The following CEP192 variants were observed in gnomAD, a reference collection of about 807,000 sequenced individuals.
The protein encoded by CEP192 is centrosomal protein of 192 kDa.
CEP192 carries 151 observed loss-of-function variants against 271.8 expected under a neutral mutation model. The observed-to-expected ratio is 0.56, with a 90% CI of 0.49 to 0.64. The LOEUF is 0.64. Ranked by LOEUF, CEP192 falls within the 30% of genes least tolerant of loss-of-function variation. The pLI is 0.00. For missense variants in CEP192, 2,910 were observed against 3,020.5 expected, an observed-to-expected ratio of 0.96 and a Z score of 0.86; for synonymous variants, 995 against 1,076.5, an observed-to-expected ratio of 0.92 and a Z score of 1.48.
chr18:13,008,500 C>T lies in CEP192; in HGVS notation c.335C>T (p.Ser112Leu). ...KKSYVESQRL[S>L]NALSKQSALQ... The stretch of plus-strand genomic sequence containing the variant: ...AGCTATGTGGAAAGTCAACGTTTGT[C>T]AAATGCTCTCAGCAAACAGTCAGCT... Residue 112 changes from serine to leucine, a missense_variant, in exon 4 of 45, where the codon TCA (serine) becomes TTA (leucine). Physicochemically the swap from Ser to Leu is moderately radical, Grantham distance 145. Transcript: ENST00000506447. 1 of 1,551,134 alleles carries T rather than the reference C, an allele frequency of 6.4e-7. No individual in the cohort carries two copies. Among genetic ancestry groups the T allele is most frequent in the South Asian group, 1.2e-5 (1 of 83,952 alleles).
intron 44 of CEP192, among the ~76,000 whole-genome samples, chr18:13,122,310 T>C (rs573042446): frequency 6.6e-6 from 1 of 152,202 alleles, no homozygotes. Context: ...TAATCCTAGC[T>C]ACTCAGGAGG....
chr18:13,087,441 G>T (rs1598563483), intron 31 of CEP192, 90 bp from the exon 32 acceptor site: 1 of 915,676 alleles, frequency 1.1e-6, no homozygotes, highest in Admixed American at 2.9e-5. Context: ...TGTCTGTGTC[G>T]AATTTTTAGG....
chr18:13,047,062 G>C (rs552790970), intron 15 of CEP192, among the ~76,000 whole-genome samples: 21 of 152,206 alleles, frequency 1.4e-4, no homozygotes, highest in Admixed American at 1.0e-3. Flanking sequence ...CTGTGATGTG[G>C]TTGGGTAGCT....
intron 37 of CEP192, among the ~76,000 whole-genome samples, 194 bp from the exon 38 acceptor site, chr18:13,100,110 TA>T (rs912376695): frequency 1.3e-5 from 2 of 152,218 alleles, no homozygotes; most frequent in African/African-American, 4.8e-5. Context: ...AAATTTGCTT[TA>T]AAAACAAAGG....
At chr18:13,023,829 C>G (rs976609526) in intron 9 of CEP192, among the ~76,000 whole-genome samples, 1 of 152,176 alleles carries the variant, frequency 6.6e-6, no homozygotes, top group Non-Finnish European at 1.5e-5. Context: ...GTGGAATTCA[C>G]TGTTGAACCT....
intron 15 of CEP192, among the ~76,000 whole-genome samples, chr18:13,044,422 T>C (rs1414808604): frequency 6.6e-6 from 1 of 151,984 alleles, no homozygotes; most frequent in Non-Finnish European, 1.5e-5. Context: ...GTGTAAGGTT[T>C]TTGTTTTGTT....
intron 33 of CEP192, among the ~76,000 whole-genome samples, chr18:13,090,763 GC>G (rs548363582): frequency 7.0e-4 from 107 of 152,268 alleles, no homozygotes; most frequent in Non-Finnish European, 1.2e-3. Flanking sequence ...TCCCACTACA[GC>G]CCCACCTCTT....
intron 40 of CEP192, among the ~76,000 whole-genome samples, chr18:13,111,859 C>A (rs2040225021): frequency 1.3e-5 from 2 of 152,152 alleles, no homozygotes; most frequent in South Asian, 4.1e-4. Context: ...GGTCAATAAA[C>A]ATGTGAGAAG....
rs150003930 is a variant in CEP192, at chr18:13,013,231, C to G, written c.519+206C>G. ...TAGTGCTGGTGCCTGGGACTGTATT[C>G]TTGGGCTTGGTGATGTCAGAGCTGA... On this transcript the variant is annotated intron_variant, in intron 5 of 44. Transcript: ENST00000506447. Among the ~76,000 whole-genome samples, 14 of 152,154 alleles carry G rather than the reference C, an allele frequency of 9.2e-5. No individual in the cohort carries two copies. In the East Asian group the frequency reaches 2.7e-3, roughly 29 times the overall value.
chr18:13,096,146 T>G, intron 35 of CEP192, 38 bp from the exon 36 acceptor site: 1 of 1,606,066 alleles, frequency 6.2e-7, no homozygotes, highest in Non-Finnish European at 8.5e-7. Flanking sequence ...TTCACTGTTG[T>G]TAAATGTAAG....
intron 1 of CEP192, among the ~76,000 whole-genome samples, chr18:12,994,246 G>A (rs1193002876): frequency 6.6e-6 from 1 of 152,180 alleles, no homozygotes; most frequent in Non-Finnish European, 1.5e-5. Flanking sequence ...ATTGACTGTG[G>A]CGCTGTTTGA....
At chr18:13,001,382 C>G in intron 2 of CEP192, 75 bp from the exon 3 acceptor site, 1 of 1,029,334 alleles carries the variant, frequency 9.7e-7, no homozygotes, top group Non-Finnish European at 1.4e-6. Context: ...TACTGTCACG[C>G]AGCCCTATGT....
intron 4 of CEP192, among the ~76,000 whole-genome samples, chr18:13,011,133 G>A (rs1405691840): frequency 1.3e-5 from 2 of 148,466 alleles, no homozygotes; most frequent in Non-Finnish European, 3.0e-5. Context: ...GGGCTGAGGC[G>A]GGAGAATCAC....
At position 13,096,217 on chromosome 18, in the gene CEP192, T is replaced by C; in HGVS notation, c.6467T>C (p.Val2156Ala). The change falls in exon 36 of 45, where the codon GTG becomes GCG. Residue 2156 changes from valine (V) to alanine (A), a missense_variant. Val to Ala is a moderately conservative substitution (Grantham distance 64). Transcript: ENST00000506447. ...GCAAAAACTGGACGTTTCCAGATTG[T>C]GAATAACTCTGTGAGGTTACTGAGA... ...DMAKTGRFQIVNNSVRLLRFE... is the reference protein window; with the variant it reads ...DMAKTGRFQIANNSVRLLRFE... The C allele has an allele frequency of 1.9e-6, 3 of 1,614,134 alleles. No individual in the cohort carries two copies. Among genetic ancestry groups the C allele is most frequent in the Non-Finnish European group, 2.5e-6 (3 of 1,179,960 alleles).
rs1403029354 is a variant in CEP192 at position 13,100,288 on chromosome 18, T to C, written c.6664-17T>C. ...TAGATACGTTTGTAGCTTATCCCTT[T>C]ATTTGGCTCATTTCAGAAAATTGTG... is the stretch of plus-strand genomic sequence containing the variant. On this transcript the variant is annotated splice_polypyrimidine_tract_variant and intron_variant, in intron 37 of 44. Coordinates refer to ENST00000506447, the MANE Select transcript of CEP192 (RefSeq NM_032142.4). The C allele has an allele frequency of 6.9e-6, 11 of 1,592,876 alleles. No individual in the cohort carries two copies. Among genetic ancestry groups the C allele is most frequent in the Non-Finnish European group, 9.5e-6 (11 of 1,160,798 alleles).
intron 11 of CEP192, among the ~76,000 whole-genome samples, chr18:13,035,156 G>T (rs1448723687): frequency 1.3e-5 from 2 of 152,120 alleles, no homozygotes; most frequent in African/African-American, 4.8e-5. Flanking sequence ...ATAGTTCAGA[G>T]AAAAAGCATT....
chr18:13,109,598 G>T (rs991119949), intron 40 of CEP192, among the ~76,000 whole-genome samples: 10 of 152,008 alleles, frequency 6.6e-5, no homozygotes, highest in African/African-American at 2.4e-4. Context: ...AGATACAGGT[G>T]TCATACATCT....
intron 4 of CEP192, among the ~76,000 whole-genome samples, chr18:13,011,346 A>G (rs1390763589): frequency 6.6e-6 from 1 of 152,156 alleles, no homozygotes; most frequent in Non-Finnish European, 1.5e-5. Context: ...ATATGGAGAA[A>G]TTGAAATCCT....
Position 13,057,597 on chromosome 18 carries a change from T to C in CEP192, c.4121T>C (p.Val1374Ala), listed in dbSNP as rs775000761. Residue 1374 changes from valine to alanine, a missense_variant, in exon 20 of 45, where the codon GTG becomes GCG. Coordinates refer to ENST00000506447, the MANE Select transcript of CEP192 (RefSeq NM_032142.4). ...GVTSGLGSVR[V>A]PEELKLPHAC... ...TATTCTCACCCAGGGAGTGTCCGAG[T>C]GCCCGAGGAGTTGAAGCTTCCTCAT... 7 of 1,614,104 alleles carry C rather than the reference T, an allele frequency of 4.3e-6. No individual in the cohort carries two copies. In the South Asian group the frequency reaches 7.7e-5, roughly 18 times the overall value.
Sources: gnomAD v4.1 joint callset for allele counts (sites outside exome capture counted in the v4.1 genomes callset) on GRCh38, gnomAD v4.1.1 for gene constraint, MANE v1.5 for transcripts, NCBI Gene and HGNC (gene_info 2026-07-23, HGNC 2026-07-21) for gene names.